Variants in ALK observed in about 807,000 individuals in gnomAD.
The protein encoded by ALK is ALK receptor tyrosine kinase.
Under a neutral mutation model 163.1 loss-of-function variants are expected in ALK, and 74 were observed. That is an observed-to-expected ratio of 0.45 (90% CI 0.38 to 0.55). ALK has a LOEUF of 0.55. Among genes scored for constraint, ALK ranks in the 20% least tolerant of loss-of-function variants. The pLI, the probability that ALK is intolerant of heterozygous loss-of-function variation, is 0.00. For synonymous variants in ALK, 960 were observed against 843.2 expected (o/e 1.14, Z -2.40); for missense variants, 2,063 against 2,105.3 (o/e 0.98, Z 0.39).
At chr2:29,432,439 T>C (rs556076856) in intron 4 of ALK, among the ~76,000 whole-genome samples, 124 of 152,332 alleles carry the variant, frequency 8.1e-4, no homozygotes, top group African/African-American at 2.4e-3. Context: ...GAACAGATGC[T>C]GGTTCCATGT....
chr2:29,560,693 C>T (rs113204175), intron 3 of ALK, among the ~76,000 whole-genome samples: 3 of 151,876 alleles, frequency 2.0e-5, no homozygotes, highest in Non-Finnish European at 2.9e-5. Flanking sequence ...CACCTCAGCC[C>T]GTTGAGTAGC....
At chr2:29,472,406 T>C (rs1478986345) in intron 4 of ALK, among the ~76,000 whole-genome samples, 2 of 152,338 alleles carry the variant, frequency 1.3e-5, no homozygotes, top group East Asian at 3.9e-4. Flanking sequence ...TTTTATGCCA[T>C]TGTAGGAACT....
chr2:29,456,658 A>C (rs1670963416), intron 4 of ALK, among the ~76,000 whole-genome samples: 1 of 152,174 alleles, frequency 6.6e-6, no homozygotes, highest in Non-Finnish European at 1.5e-5. Context: ...CAATAATATG[A>C]ATATACTTAA....
intron 19 of ALK, 65 bp downstream of exon 19, chr2:29,225,396 C>T (rs2148176136): frequency 7.2e-7 from 1 of 1,396,058 alleles, no homozygotes. Context: ...TGTGGCACAG[C>T]CTGAGACACT....
At chr2:29,321,646 C>T (rs4666202) in intron 6 of ALK, among the ~76,000 whole-genome samples, 118,197 of 152,152 alleles carry the variant, frequency 0.78, 48,877 homozygotes, top group Non-Finnish European at 0.91. Flanking sequence ...ACTATATTGA[C>T]GGAGGAGCCT....
At chr2:29,603,229 A>T (rs1207045237) in intron 3 of ALK, among the ~76,000 whole-genome samples, 1 of 152,240 alleles carries the variant, frequency 6.6e-6, no homozygotes, top group Non-Finnish European at 1.5e-5. Flanking sequence ...GACCTTTAAA[A>T]GGTACCTGAG....
intron 4 of ALK, among the ~76,000 whole-genome samples, chr2:29,390,619 C>T (rs893843824): frequency 2.0e-5 from 3 of 151,556 alleles, no homozygotes; most frequent in Non-Finnish European, 4.4e-5. Context: ...TAATCTTATC[C>T]TACAGGGAAA....
chr2:29,879,825 A>C (rs1421833246), intron 1 of ALK, among the ~76,000 whole-genome samples: 1 of 152,230 alleles, frequency 6.6e-6, no homozygotes, highest in Non-Finnish European at 1.5e-5. Flanking sequence ...AGAAGCAGTC[A>C]GTAGGTTTCC....
intron 1 of ALK, among the ~76,000 whole-genome samples, chr2:29,791,576 A>G (rs1193915262): frequency 2.6e-5 from 4 of 152,154 alleles, no homozygotes; most frequent in Non-Finnish European, 5.9e-5. Context: ...GTGTATACCT[A>G]TGTAACAAAC....
intron 4 of ALK, among the ~76,000 whole-genome samples, chr2:29,483,361 C>T (rs1490254340): frequency 6.6e-6 from 1 of 152,150 alleles, no homozygotes. Context: ...TTTTTAAAGC[C>T]CTCCCAGCTA....
At chr2:29,487,346 C>T (rs902022065) in intron 4 of ALK, among the ~76,000 whole-genome samples, 1 of 152,172 alleles carries the variant, frequency 6.6e-6, no homozygotes, top group Non-Finnish European at 1.5e-5. Context: ...CCCCCATACC[C>T]CCAGACAGCT....
At chr2:29,239,262 G>A (rs972586361) in intron 13 of ALK, among the ~76,000 whole-genome samples, 1 of 152,098 alleles carries the variant, frequency 6.6e-6, no homozygotes, top group African/African-American at 2.4e-5. Context: ...CTGCTTTCTC[G>A]GTAGCCCCTC....
intron 4 of ALK, among the ~76,000 whole-genome samples, chr2:29,419,119 A>G (rs897350102): frequency 5.3e-5 from 8 of 151,204 alleles, no homozygotes; most frequent in Admixed American, 2.0e-4. Context: ...CAGTAGTGCA[A>G]ACTCAGCTTA....
chr2:29,619,783 A>G (rs1675974468), intron 3 of ALK, among the ~76,000 whole-genome samples: 1 of 152,216 alleles, frequency 6.6e-6, no homozygotes, highest in Admixed American at 6.5e-5. Context: ...ACAATACATG[A>G]CAAGGGTCCC....
intron 3 of ALK, among the ~76,000 whole-genome samples, chr2:29,575,444 C>A (rs1422914933): frequency 1.3e-5 from 2 of 152,176 alleles, no homozygotes; most frequent in African/African-American, 4.8e-5. Flanking sequence ...CAACCTCCCT[C>A]ATCCCCACCT....
chr2:29,657,867 G>T (rs980074503), intron 3 of ALK, among the ~76,000 whole-genome samples: 4 of 152,172 alleles, frequency 2.6e-5, no homozygotes, highest in Non-Finnish European at 5.9e-5. Flanking sequence ...GGCAACTGGT[G>T]TTAGGGAAAG....
intron 11 of ALK, among the ~76,000 whole-genome samples, chr2:29,253,244 C>T (rs939671016): frequency 1.3e-5 from 2 of 152,164 alleles, no homozygotes; most frequent in Non-Finnish European, 2.9e-5. Flanking sequence ...ACCAGCTGCC[C>T]TTTTACTCAC....
At chr2:29,254,396 C>T (rs1292429316) in intron 11 of ALK, among the ~76,000 whole-genome samples, 2 of 152,188 alleles carry the variant, frequency 1.3e-5, no homozygotes, top group Non-Finnish European at 2.9e-5. Context: ...GCTTGGCACA[C>T]TACCTGAGCA....
intron 11 of ALK, among the ~76,000 whole-genome samples, chr2:29,252,201 C>T (rs1664834711): frequency 1.4e-5 from 2 of 140,008 alleles, no homozygotes; most frequent in Admixed American, 1.5e-4. Context: ...CATTTCCTTT[C>T]AAACTTTCTA....
Sources: gnomAD v4.1 joint callset for allele counts (sites outside exome capture counted in the v4.1 genomes callset) on GRCh38, gnomAD v4.1.1 for gene constraint, MANE v1.5 for transcripts, NCBI Gene and HGNC (gene_info 2026-07-23, HGNC 2026-07-21) for gene names.